Variants in MSN observed in about 807,000 individuals in gnomAD.
The protein encoded by MSN is epididymis luminal protein 70.
Under a neutral mutation model 48.0 loss-of-function variants are expected in MSN, and 2 were observed. The ratio of observed to expected loss-of-function variants is 0.04; its 90% CI spans 0.02 to 0.13. The LOEUF (loss-of-function observed/expected upper bound fraction) is 0.13, where lower values mean the gene tolerates loss of function less well. Among genes scored for constraint, MSN ranks in the 10% least tolerant of loss-of-function variants. The pLI, the probability that MSN is intolerant of heterozygous loss-of-function variation, is 1.00. For synonymous variants in MSN, 146 were observed against 166.9 expected (o/e 0.87, Z 0.97); for missense variants, 267 against 470.1 (o/e 0.57, Z 3.99).
At chrX:65,604,481 A>G (rs1200711178) in intron 1 of MSN, among the ~76,000 whole-genome samples, 1 of 112,327 alleles carries the variant, frequency 8.9e-6, no homozygotes, top group African/African-American at 3.2e-5. Context: ...AGGAAACACT[A>G]TGCATCAACA....
intron 1 of MSN, among the ~76,000 whole-genome samples, chrX:65,620,330 T>G (rs1034292721): frequency 5.3e-5 from 6 of 112,651 alleles, no homozygotes; most frequent in Non-Finnish European, 1.1e-4. Flanking sequence ...CGCAGCTCCA[T>G]CTCAGAGTGC....
At chrX:65,683,219 A>G (rs1272737647) in intron 1 of MSN, among the ~76,000 whole-genome samples, 2 of 111,595 alleles carry the variant, frequency 1.8e-5, no homozygotes, top group African/African-American at 6.5e-5. Context: ...GCATTGCATA[A>G]TTTAATCCTG....
intron 1 of MSN, among the ~76,000 whole-genome samples, chrX:65,642,341 G>A (rs1332206572): frequency 4.9e-5 from 5 of 101,077 alleles, no homozygotes; most frequent in Non-Finnish European, 9.6e-5. Context: ...AATGTAGAGT[G>A]TACATTATGG....
chrX:65,650,080 G>A (rs1212987608), intron 1 of MSN, among the ~76,000 whole-genome samples: 1 of 68,363 alleles, frequency 1.5e-5, no homozygotes, highest in African/African-American at 7.9e-5. Context: ...TTTTTTTTGA[G>A]GCAGAGTGAG....
rs2071726922 is a variant in MSN, at chrX:65,740,582, T to TA, written c.*690dup. The TA allele has an allele frequency of 1.2e-5, 2 of 173,899 alleles. No homozygotes were observed. The highest frequency in any genetic ancestry group is 1.6e-4 in the East Asian group (2 of 12,228). 14.3% of individuals were successfully genotyped at this position (173,899 alleles called of 1,213,427 possible). A position where few individuals can be genotyped will look rare whatever the true frequency, so the allele number is the denominator to read the frequency against. Reference sequence around the variant, plus strand: ...GTGCCTTCAAGACCTTCACCAAACATACTAGAAGGGCATTGGCCATTCTAT... The same window carrying TA: ...GTGCCTTCAAGACCTTCACCAAACATAACTAGAAGGGCATTGGCCATTCTAT... On this transcript the variant is annotated 3_prime_UTR_variant, in exon 13 of 13. Transcript: ENST00000360270.
At chrX:65,604,109 G>A (rs892490613) in intron 1 of MSN, among the ~76,000 whole-genome samples, 1 of 112,483 alleles carries the variant, frequency 8.9e-6, no homozygotes, top group Admixed American at 9.4e-5. Context: ...CATTTTGCAG[G>A]TAAGGGAATG....
intron 1 of MSN, among the ~76,000 whole-genome samples, chrX:65,688,209 T>C (rs764309284): frequency 7.3e-4 from 82 of 112,048 alleles, no homozygotes; most frequent in African/African-American, 2.5e-3. Flanking sequence ...ATCAACTCTC[T>C]ACAGTTGGCA....
At chrX:65,590,502 C>T (rs747274160) in intron 1 of MSN, among the ~76,000 whole-genome samples, 21 of 111,007 alleles carry the variant, frequency 1.9e-4, no homozygotes, top group Non-Finnish European at 3.6e-4. Flanking sequence ...CTCCTACCCC[C>T]GAAGGACGCT....
rs144521663 is a variant in MSN, at chrX:65,694,914, G to C, written c.13-21904G>C. 4.6e-3 allele frequency among the ~76,000 whole-genome samples: 512 copies of C among 112,030 alleles called. 4 individuals are homozygous for C. The highest frequency in any genetic ancestry group is 0.016 in the African/African-American group (491 of 30,822). On this transcript the variant is annotated intron_variant, in intron 1 of 12. Coordinates refer to ENST00000360270, the MANE Select transcript of MSN (RefSeq NM_002444.3). ...TGGGGTGTGAAGAATGGAGGATGTAGGAAGGAGAAAATGATTAGAGGAATC... is the reference window on the plus strand; with the variant it reads ...TGGGGTGTGAAGAATGGAGGATGTACGAAGGAGAAAATGATTAGAGGAATC...
chrX:65,677,499 T>C (rs2071011883), intron 1 of MSN, among the ~76,000 whole-genome samples: 1 of 112,353 alleles, frequency 8.9e-6, no homozygotes, highest in African/African-American at 3.2e-5. Context: ...GGCTCATGCC[T>C]GTAATCCCAG....
chrX:65,627,917 G>A (rs971657867), intron 1 of MSN, among the ~76,000 whole-genome samples: 6 of 111,991 alleles, frequency 5.4e-5, no homozygotes, highest in Non-Finnish European at 1.1e-4. Context: ...GGAGGTTACA[G>A]GGCCCATGCA....
intron 1 of MSN, chrX:65,624,598 G>T (rs1183287249): frequency 3.0e-5 from 3 of 100,105 alleles, no homozygotes; most frequent in African/African-American, 1.1e-4. Context: ...AGTGGGTAAA[G>T]CGAAGTTGTT....
chrX:65,737,455 G>T, intron 10 of MSN, 117 bp downstream of exon 10: 4 of 855,789 alleles, frequency 4.7e-6, no homozygotes, highest in Non-Finnish European at 6.4e-6. Context: ...ACCACTCCAT[G>T]GGCCTCCAGC....
At chrX:65,631,816 C>T (rs2070561104) in intron 1 of MSN, among the ~76,000 whole-genome samples, 2 of 111,380 alleles carry the variant, frequency 1.8e-5, no homozygotes, top group Non-Finnish European at 3.8e-5. Flanking sequence ...CTGGGACAAG[C>T]ATGTGCTACT....
At chrX:65,641,551 T>G (rs1166745621) in intron 1 of MSN, among the ~76,000 whole-genome samples, 1 of 1,354 alleles carries the variant, frequency 7.4e-4, no homozygotes, top group Non-Finnish European at 1.2e-3. Flanking sequence ...AAAAGTGAAG[T>G]ATATATATAT....
In MSN at chrX:65,667,879, G is replaced by A. The variant is rs773379300; in HGVS notation, c.12+26G>A. 37 of 1,198,066 alleles carry A rather than the reference G, an allele frequency of 3.1e-5. No homozygotes were observed. In the Admixed American group the frequency reaches 8.1e-4, roughly 26 times the overall value. ...GTGAGTGCCGGAGGTGGGCGCTGTC[G>A]ACCCCAATGGCTCTGGCTGAGCCTC... On this transcript the variant is annotated intron_variant, in intron 1 of 12. Coordinates refer to ENST00000360270, the MANE Select transcript of MSN (RefSeq NM_002444.3).
chrX:65,628,935 G>A lies in MSN; in HGVS notation c.-22+40323G>A, dbSNP rs778486138. Among the ~76,000 whole-genome samples, 28 of 109,034 alleles carry A rather than the reference G, an allele frequency of 2.6e-4. 1 individual carries two copies. The highest frequency in any genetic ancestry group is 1.2e-3 in the South Asian group (3 of 2,472). The allele number at this position is 109,034 out of a possible 115,157, so 94.7% of individuals were successfully genotyped here. A position where few individuals can be genotyped will look rare whatever the true frequency, so the allele number is the denominator to read the frequency against. The stretch of plus-strand genomic sequence containing the variant: ...CAAAAAATTAGCCAGGCGTGATGGC[G>A]GGTATCTATGATCCTAGCTACTCAG... On this transcript the variant is annotated intron_variant, in intron 1 of 3. Coordinates refer to the MSN transcript ENST00000609672.
At chrX:65,694,907 G>T (rs1046988055) in intron 1 of MSN, among the ~76,000 whole-genome samples, 2 of 112,076 alleles carry the variant, frequency 1.8e-5, no homozygotes, top group Admixed American at 9.4e-5. Flanking sequence ...GAAGAATGGA[G>T]GATGTAGGAA....
At chrX:65,653,358 G>A (rs968498814) in intron 1 of MSN, among the ~76,000 whole-genome samples, 1 of 111,147 alleles carries the variant, frequency 9.0e-6, no homozygotes, top group Non-Finnish European at 1.9e-5. Flanking sequence ...TGGCTAGGCT[G>A]AATATAAACC....
Sources: allele counts gnomAD v4.1 joint callset (sites outside exome capture counted in the v4.1 genomes callset), GRCh38; gene constraint gnomAD v4.1.1; transcripts MANE v1.5; gene names NCBI Gene and HGNC (gene_info 2026-07-23, HGNC 2026-07-21).